STXBP5L: variants seen among roughly 807,000 people sequenced by gnomAD.
The protein encoded by STXBP5L is syntaxin-binding protein 5-like.
In STXBP5L, 65 loss-of-function variants were observed where a neutral mutation model predicts 144.5. The observed-to-expected ratio is 0.45, with a 90% CI of 0.37 to 0.55. The LOEUF is 0.55. Ranked by LOEUF, STXBP5L falls within the 20% of genes least tolerant of loss-of-function variation. The pLI is 0.00. For synonymous variants in STXBP5L, 505 were observed against 469.6 expected (o/e 1.08, Z -0.97); for missense variants, 1,298 against 1,405.5 (o/e 0.92, Z 1.22).
intron 19 of STXBP5L, among the ~76,000 whole-genome samples, chr3:121,311,441 A>G (rs1030077313): frequency 1.3e-5 from 2 of 152,234 alleles, no homozygotes; most frequent in African/African-American, 4.8e-5. Context: ...TGTTAAATTA[A>G]AAGTGTGGTA....
Position 121,098,865 on chromosome 3 carries a change from T to C in STXBP5L, c.471-16060T>C, listed in dbSNP as rs148280528. ...CCTTCAAAAGCCTCCAAGGAAGTTA[T>C]TGTGAATTTTTTTTTCCAGAAAGAA... On this transcript the variant is annotated intron_variant, in intron 5 of 26. Coordinates refer to ENST00000471454, the MANE Select transcript of STXBP5L (RefSeq NM_001308330.2). Among the ~76,000 whole-genome samples the C allele has an allele frequency of 2.7e-4, 41 of 152,300 alleles. 1 individual carries two copies. The East Asian group carries it at 7.3e-3, about 27-fold the overall frequency.
At chr3:121,190,951 G>A (rs2047648229) in intron 9 of STXBP5L, among the ~76,000 whole-genome samples, 1 of 151,872 alleles carries the variant, frequency 6.6e-6, no homozygotes, top group African/African-American at 2.4e-5. Flanking sequence ...GGGGCGGCGG[G>A]GCAGAGGTGC....
At chr3:121,175,344 A>G (rs1402435406) in intron 9 of STXBP5L, among the ~76,000 whole-genome samples, 1 of 152,086 alleles carries the variant, frequency 6.6e-6, no homozygotes, top group African/African-American at 2.4e-5. Context: ...GATTAATGCT[A>G]ACACCCACAC....
intron 18 of STXBP5L, among the ~76,000 whole-genome samples, chr3:121,261,044 G>A (rs2050367401): frequency 6.6e-6 from 1 of 152,152 alleles, no homozygotes. Context: ...GTGAAAGATA[G>A]TTGAGCTCAA....
At chr3:121,195,383 T>G (rs1171089352) in intron 9 of STXBP5L, among the ~76,000 whole-genome samples, 1 of 152,204 alleles carries the variant, frequency 6.6e-6, no homozygotes, top group Non-Finnish European at 1.5e-5. Context: ...CAACTCAATA[T>G]TTTATATAAA....
chr3:120,953,134 A>G (rs1274218207), intron 2 of STXBP5L, among the ~76,000 whole-genome samples: 7 of 151,912 alleles, frequency 4.6e-5, no homozygotes, highest in Non-Finnish European at 8.8e-5. Context: ...ATTGTCAGGC[A>G]TTGTTCTAAC....
rs555226761 is a variant in STXBP5L, at chr3:121,388,460, A to C, written c.2587+6928A>C. On this transcript the variant is annotated intron_variant, in intron 22 of 26. Transcript: ENST00000471454. Reference sequence around the variant, plus strand: ...TTGAATAGGAGTGGTGAGAGAGGGCATCCTTGTCTTGTGCCAGAAAGGGAA... The same window carrying C: ...TTGAATAGGAGTGGTGAGAGAGGGCCTCCTTGTCTTGTGCCAGAAAGGGAA... 2.6e-5 allele frequency among the ~76,000 whole-genome samples: 4 copies of C among 152,346 alleles called. No individual in the cohort carries two copies. The South Asian group carries it at 6.2e-4, about 24-fold the overall frequency.
chr3:121,388,944 G>A (rs1211596917), intron 22 of STXBP5L, among the ~76,000 whole-genome samples: 3 of 152,112 alleles, frequency 2.0e-5, no homozygotes, highest in African/African-American at 7.2e-5. Context: ...TCTATTGATT[G>A]GAATACTTTG....
At chr3:121,321,954 G>A (rs961017194) in intron 20 of STXBP5L, among the ~76,000 whole-genome samples, 27 of 152,166 alleles carry the variant, frequency 1.8e-4, no homozygotes, top group African/African-American at 1.4e-4. Flanking sequence ...CCATCACCCC[G>A]GCAGTGAGCA....
In STXBP5L at chr3:121,407,233, G is replaced by A; in HGVS notation, c.2588-10G>A. 6.5e-7 allele frequency: 1 copy of A among 1,536,102 alleles called. No homozygotes were observed. Among genetic ancestry groups the A allele is most frequent in the Non-Finnish European group, 8.7e-7 (1 of 1,145,776 alleles). On this transcript the variant is annotated splice_polypyrimidine_tract_variant and intron_variant, in intron 22 of 26. Transcript: ENST00000471454. ...TTTGACATGTCAGTGATGTCCAATT[G>A]TTTTTATAGGTACATTCCTCTCATT...
At chr3:121,013,357 T>C (rs1388786164) in intron 3 of STXBP5L, among the ~76,000 whole-genome samples, 1 of 152,086 alleles carries the variant, frequency 6.6e-6, no homozygotes, top group Non-Finnish European at 1.5e-5. Flanking sequence ...CCAACATCTG[T>C]TATTTTCCGA....
chr3:121,347,560 T>G (rs137987998), intron 20 of STXBP5L, among the ~76,000 whole-genome samples: 15,237 of 152,212 alleles, frequency 0.1, 1,187 homozygotes, highest in Admixed American at 0.2. Context: ...GTATGGCCAT[T>G]TTCACGATAT....
intron 19 of STXBP5L, among the ~76,000 whole-genome samples, chr3:121,298,248 G>A (rs1225845933): frequency 2.0e-5 from 3 of 152,130 alleles, no homozygotes; most frequent in Admixed American, 6.5e-5. Flanking sequence ...CTGATAATTA[G>A]TGATGTTGAT....
At chr3:121,159,852 T>C (rs1302136168) in intron 9 of STXBP5L, among the ~76,000 whole-genome samples, 2 of 151,976 alleles carry the variant, frequency 1.3e-5, no homozygotes, top group African/African-American at 4.8e-5. Context: ...CAGGATGGTC[T>C]CGATCTCCTG....
intron 3 of STXBP5L, among the ~76,000 whole-genome samples, chr3:121,019,248 C>T (rs1945370495): frequency 1.3e-5 from 2 of 152,178 alleles, no homozygotes; most frequent in Non-Finnish European, 2.9e-5. Context: ...TGAGCTCAGA[C>T]ATGCCTAGCC....
intron 4 of STXBP5L, among the ~76,000 whole-genome samples, chr3:121,042,851 A>G (rs1027320945): frequency 3.9e-5 from 6 of 151,926 alleles, no homozygotes; most frequent in Non-Finnish European, 8.8e-5. Context: ...ATGAGAAAGG[A>G]AGGTAAAGAA....
chr3:121,306,023 C>A (rs947722395), intron 19 of STXBP5L, among the ~76,000 whole-genome samples: 1 of 152,110 alleles, frequency 6.6e-6, no homozygotes, highest in Non-Finnish European at 1.5e-5. Flanking sequence ...ATACCATGTA[C>A]AGGATAGACT....
At chr3:121,353,089 T>A (rs756769253) in intron 20 of STXBP5L, among the ~76,000 whole-genome samples, 10 of 152,214 alleles carry the variant, frequency 6.6e-5, no homozygotes, top group Non-Finnish European at 1.0e-4. Context: ...TTTGCCAGTA[T>A]TTTATTGAGG....
chr3:121,408,396 A>G (rs1454534825), intron 23 of STXBP5L, among the ~76,000 whole-genome samples: 1 of 151,994 alleles, frequency 6.6e-6, no homozygotes, highest in East Asian at 1.9e-4. Context: ...GGATATAAAA[A>G]TTAGTAGAAC....
Sources: gnomAD v4.1 joint callset for allele counts (sites outside exome capture counted in the v4.1 genomes callset) on GRCh38, gnomAD v4.1.1 for gene constraint, MANE v1.5 for transcripts, NCBI Gene and HGNC (gene_info 2026-07-23, HGNC 2026-07-21) for gene names.